CCSER1: variants seen among roughly 807,000 people sequenced by gnomAD.
The protein encoded by CCSER1 is serine-rich coiled-coil domain-containing protein 1.
CCSER1 carries 41 observed loss-of-function variants against 82.0 expected under a neutral mutation model. That is an observed-to-expected ratio of 0.50 (90% confidence interval 0.39 to 0.65). The LOEUF is 0.65. CCSER1 is among the 30% of genes least tolerant of loss of function. The pLI, the probability that CCSER1 is intolerant of heterozygous loss-of-function variation, is 0.00. For synonymous variants in CCSER1, 414 were observed against 383.9 expected (o/e 1.08, Z -0.92); for missense variants, 1,119 against 1,064.2 (o/e 1.05, Z -0.72).
intron 1 of CCSER1, among the ~76,000 whole-genome samples, chr4:90,282,882 G>A (rs193046353): frequency 9.2e-5 from 14 of 152,014 alleles, no homozygotes; most frequent in African/African-American, 2.2e-4. Flanking sequence ...TCTTAGATCC[G>A]TTTGATGCTG....
chr4:90,518,109 G>A (rs1772535480), intron 5 of CCSER1, among the ~76,000 whole-genome samples: 1 of 152,034 alleles, frequency 6.6e-6, no homozygotes, highest in Admixed American at 6.6e-5. Context: ...TTGTTTTCCA[G>A]AGTTAGTTGG....
chr4:90,814,275 C>A (rs1174488571), intron 7 of CCSER1, among the ~76,000 whole-genome samples: 1 of 152,216 alleles, frequency 6.6e-6, no homozygotes, highest in Non-Finnish European at 1.5e-5. Context: ...TTTTTCACTC[C>A]TAAGCCTCCT....
At chr4:90,412,426 T>C (rs576735915) in intron 4 of CCSER1, among the ~76,000 whole-genome samples, 2 of 151,434 alleles carry the variant, frequency 1.3e-5, no homozygotes, top group East Asian at 3.9e-4. Context: ...GTAACAAACT[T>C]ACACGTTGTG....
chr4:91,051,814 A>G (rs769192637), intron 9 of CCSER1, among the ~76,000 whole-genome samples: 8 of 152,140 alleles, frequency 5.3e-5, no homozygotes, highest in Non-Finnish European at 8.8e-5. Flanking sequence ...GCATAATATC[A>G]TAAATGTTGC....
chr4:91,281,929 CAT>C lies in CCSER1; in HGVS notation c.2217+195936_2217+195937del, dbSNP rs557498623. ...AAATATTTTTCAAATAAATAGAAAA[CAT>C]GTGTTTTTAGTTTGTATTTTGATAT... On this transcript the variant is annotated intron_variant, in intron 10 of 10. Transcript: ENST00000509176. Among the ~76,000 whole-genome samples, 236 of 151,992 alleles carry C rather than the reference CAT, an allele frequency of 1.6e-3. 1 individual carries two copies. The highest frequency in any genetic ancestry group is 5.3e-3 in the African/African-American group (218 of 41,472).
At chr4:90,139,048 G>A (rs549595631) in intron 1 of CCSER1, among the ~76,000 whole-genome samples, 2 of 151,324 alleles carry the variant, frequency 1.3e-5, no homozygotes, top group Admixed American at 6.6e-5. Flanking sequence ...CTTTTTTTTT[G>A]TTTGTCTGTT....
intron 9 of CCSER1, among the ~76,000 whole-genome samples, chr4:90,982,569 G>A (rs890908062): frequency 1.3e-5 from 2 of 151,746 alleles, no homozygotes; most frequent in Non-Finnish European, 2.9e-5. Context: ...CCAATAGGGT[G>A]AGGGCAAAGG....
intron 9 of CCSER1, among the ~76,000 whole-genome samples, chr4:90,937,119 C>T (rs192019303): frequency 2.6e-5 from 4 of 152,142 alleles, no homozygotes; most frequent in African/African-American, 9.6e-5. Context: ...GAATTTCACA[C>T]CGTATTAAGG....
intron 9 of CCSER1, among the ~76,000 whole-genome samples, chr4:91,055,879 C>A (rs1443594055): frequency 7.0e-6 from 1 of 142,148 alleles, no homozygotes; most frequent in Admixed American, 7.7e-5. Flanking sequence ...GATCACTTTT[C>A]TTCAATCTTT....
chr4:91,403,823 T>TCGATGTTCATCA (rs1752503958), intron 10 of CCSER1, among the ~76,000 whole-genome samples: 1 of 152,210 alleles, frequency 6.6e-6, no homozygotes, highest in African/African-American at 2.4e-5. Context: ...ATTTTTTGCA[T>TCGATGTTCATCA]CGATGTTCAT....
At chr4:91,036,256 G>C (rs750909018) in intron 9 of CCSER1, among the ~76,000 whole-genome samples, 26 of 152,118 alleles carry the variant, frequency 1.7e-4, no homozygotes, top group Non-Finnish European at 3.1e-4. Flanking sequence ...GCATGAAACA[G>C]TATTTTGTAA....
chr4:91,211,819 T>C (rs978695257), intron 10 of CCSER1, among the ~76,000 whole-genome samples: 1 of 151,324 alleles, frequency 6.6e-6, no homozygotes, highest in Non-Finnish European at 1.5e-5. Context: ...CTATTATCAG[T>C]AGTAAATAGT....
At chr4:91,236,601 A>G (rs1363019037) in intron 10 of CCSER1, among the ~76,000 whole-genome samples, 1 of 152,220 alleles carries the variant, frequency 6.6e-6, no homozygotes, top group African/African-American at 2.4e-5. Flanking sequence ...TTTATTTCAT[A>G]CCTAATAAAT....
intron 10 of CCSER1, among the ~76,000 whole-genome samples, chr4:91,586,626 A>G (rs1462221903): frequency 6.6e-6 from 1 of 151,778 alleles, no homozygotes; most frequent in Non-Finnish European, 1.5e-5. Flanking sequence ...AGAGATTTTC[A>G]AGAGCAAAAG....
intron 10 of CCSER1, among the ~76,000 whole-genome samples, chr4:91,546,512 C>G (rs1215930322): frequency 6.6e-6 from 1 of 152,026 alleles, no homozygotes; most frequent in Non-Finnish European, 1.5e-5. Flanking sequence ...TCCAGGTTAT[C>G]AAATATGTAG....
chr4:90,896,137 A>G (rs1341687053), intron 8 of CCSER1, among the ~76,000 whole-genome samples: 1 of 151,962 alleles, frequency 6.6e-6, no homozygotes, highest in African/African-American at 2.4e-5. Context: ...GAAGCTAAGT[A>G]TCCAGGATGA....
At chr4:91,456,463 C>T (rs564731140) in intron 10 of CCSER1, among the ~76,000 whole-genome samples, 57 of 151,980 alleles carry the variant, frequency 3.8e-4, no homozygotes, top group African/African-American at 1.2e-3. Flanking sequence ...GTGATATTGC[C>T]AACTATATCT....
chr4:91,088,989 G>A (rs967797580), intron 10 of CCSER1, among the ~76,000 whole-genome samples: 1 of 151,936 alleles, frequency 6.6e-6, no homozygotes, highest in African/African-American at 2.4e-5. Flanking sequence ...TAAAGCTTCT[G>A]TGTGTGCCTG....
intron 8 of CCSER1, among the ~76,000 whole-genome samples, chr4:90,893,256 C>T (rs1469100982): frequency 1.3e-5 from 2 of 151,942 alleles, no homozygotes; most frequent in Non-Finnish European, 2.9e-5. Context: ...AAGCAAGAAA[C>T]GACTCTACTC....
Sources: allele counts gnomAD v4.1 joint callset (sites outside exome capture counted in the v4.1 genomes callset), GRCh38; gene constraint gnomAD v4.1.1; transcripts MANE v1.5; gene names NCBI Gene and HGNC (gene_info 2026-07-23, HGNC 2026-07-21).